FNDC3A: variants seen among roughly 807,000 people sequenced by gnomAD.
The protein encoded by FNDC3A is fibronectin type III domain containing 3A.
In FNDC3A, 32 loss-of-function variants were observed where a neutral mutation model predicts 148.9. The ratio of observed to expected loss-of-function variants is 0.21; its 90% CI spans 0.16 to 0.29. FNDC3A has a LOEUF of 0.29. Among genes scored for constraint, FNDC3A ranks in the 10% least tolerant of loss-of-function variants. The pLI is 1.00. For missense variants in FNDC3A, 1,191 were observed against 1,452.8 expected (o/e 0.82, Z 2.93); for synonymous variants, 472 against 473.6 (o/e 1.00, Z 0.04).
chr13:49,173,818 G>A (rs988591443), intron 11 of FNDC3A, among the ~76,000 whole-genome samples: 19 of 152,242 alleles, frequency 1.2e-4, no homozygotes, highest in Middle Eastern at 3.4e-3. Flanking sequence ...AAAGAAAAAT[G>A]GGTGGCAAAT....
intron 8 of FNDC3A, among the ~76,000 whole-genome samples, chr13:49,152,036 C>T (rs1566286581): frequency 6.6e-6 from 1 of 152,120 alleles, no homozygotes; most frequent in East Asian, 1.9e-4. Context: ...CCACAATAAA[C>T]ATGTGTGCAT....
intron 19 of FNDC3A, among the ~76,000 whole-genome samples, chr13:49,193,185 T>G (rs1885974665): frequency 6.6e-6 from 1 of 152,220 alleles, no homozygotes; most frequent in African/African-American, 2.4e-5. Flanking sequence ...CTGATATGTT[T>G]TCTTAGGTTG....
intron 7 of FNDC3A, 86 bp from the exon 8 acceptor site, chr13:49,145,692 A>T: frequency 2.9e-6 from 3 of 1,051,446 alleles, no homozygotes; most frequent in Non-Finnish European, 4.3e-6. Context: ...CATTTTATTT[A>T]ATCTTGAAAC....
At chr13:49,070,653 A>G (rs1446366128) in intron 2 of FNDC3A, among the ~76,000 whole-genome samples, 1 of 152,134 alleles carries the variant, frequency 6.6e-6, no homozygotes, top group Non-Finnish European at 1.5e-5. Context: ...ACTAGAACGT[A>G]TTCTTTCTAA....
At position 48,989,869 on chromosome 13, in the gene FNDC3A, A is replaced by G. The variant is rs140084776; in HGVS notation, c.-40+13692A>G. Among the ~76,000 whole-genome samples, 724 of 151,970 alleles carry G rather than the reference A, an allele frequency of 4.8e-3. 9 individuals are homozygous for G. The highest frequency in any genetic ancestry group is 0.016 in the African/African-American group (681 of 41,446). ...CAGGTTCAAGCGATTCTCCTGCTTC[A>G]GCCTCCCGAGTAGCTGGGATTACAG... On this transcript the variant is annotated intron_variant, in intron 1 of 25. Coordinates refer to ENST00000492622, the MANE Select transcript of FNDC3A (RefSeq NM_001079673.2).
At chr13:49,171,985 A>C (rs1478591183) in intron 10 of FNDC3A, 58 bp from the exon 11 acceptor site, 21 of 1,118,282 alleles carry the variant, frequency 1.9e-5, no homozygotes, top group Non-Finnish European at 2.7e-5. Context: ...AGATCATCAC[A>C]GTATCATTTA....
At chr13:49,097,586 A>G (rs1417543717) in intron 3 of FNDC3A, among the ~76,000 whole-genome samples, 1 of 152,098 alleles carries the variant, frequency 6.6e-6, no homozygotes, top group Non-Finnish European at 1.5e-5. Context: ...ATAAACTAAC[A>G]GGAAGGGTAA....
intron 23 of FNDC3A, among the ~76,000 whole-genome samples, chr13:49,199,753 GT>G (rs1886339488): frequency 6.6e-6 from 1 of 152,166 alleles, no homozygotes; most frequent in Non-Finnish European, 1.5e-5. Flanking sequence ...ATACAGTTCA[GT>G]TTTTCACTGT....
intron 25 of FNDC3A, among the ~76,000 whole-genome samples, chr13:49,204,792 C>T (rs1244937085): frequency 6.6e-6 from 1 of 152,146 alleles, no homozygotes; most frequent in Admixed American, 6.6e-5. Flanking sequence ...TTTACAGTTA[C>T]CTGTGTCTCT....
At chr13:49,034,892 A>T (rs1160814611) in intron 2 of FNDC3A, among the ~76,000 whole-genome samples, 1 of 152,060 alleles carries the variant, frequency 6.6e-6, no homozygotes, top group East Asian at 1.9e-4. Context: ...TTGATTAACA[A>T]TAAAGTAAAA....
intron 2 of FNDC3A, among the ~76,000 whole-genome samples, chr13:49,008,407 A>G (rs1372203715): frequency 6.6e-6 from 1 of 152,144 alleles, no homozygotes; most frequent in Non-Finnish European, 1.5e-5. Context: ...ATATGACACA[A>G]CTTGGTTGAT....
intron 2 of FNDC3A, among the ~76,000 whole-genome samples, chr13:49,059,160 C>T (rs556499746): frequency 5.3e-5 from 8 of 152,144 alleles, no homozygotes; most frequent in South Asian, 2.1e-4. Flanking sequence ...ACTGGATATC[C>T]GCATGCAAAA....
At chr13:49,165,004 G>C (rs1884377108) in intron 8 of FNDC3A, among the ~76,000 whole-genome samples, 1 of 152,156 alleles carries the variant, frequency 6.6e-6, no homozygotes, top group Non-Finnish European at 1.5e-5. Context: ...TTCAGTTCCA[G>C]AATTTCTGTT....
chr13:49,004,136 T>C (rs897360052), intron 1 of FNDC3A, among the ~76,000 whole-genome samples: 2 of 152,120 alleles, frequency 1.3e-5, no homozygotes, highest in African/African-American at 4.8e-5. Context: ...AGTGTATAAC[T>C]AAAACTAAGA....
intron 2 of FNDC3A, among the ~76,000 whole-genome samples, chr13:49,019,136 C>G (rs1436928521): frequency 1.3e-5 from 2 of 152,258 alleles, no homozygotes; most frequent in African/African-American, 2.4e-5. Context: ...CCACCCAGTT[C>G]GAGCTTCTGG....
chr13:49,152,177 G>C (rs1175634286), intron 8 of FNDC3A, among the ~76,000 whole-genome samples: 1 of 152,138 alleles, frequency 6.6e-6, no homozygotes, highest in Non-Finnish European at 1.5e-5. Context: ...GGTTGAACTA[G>C]TTTACACTAC....
chr13:49,075,354 G>A lies in FNDC3A; in HGVS notation c.165G>A (p.Gln55=). 1 of 1,584,136 alleles carries A rather than the reference G, an allele frequency of 6.3e-7. No homozygotes were observed. The highest frequency in any genetic ancestry group is 8.7e-7 in the Non-Finnish European group (1 of 1,154,418). ...TAAGAAGAGAAGATGGACAGTTTCAGTGCATTACAGGTAAGAATGGTAATT... is the reference window on the plus strand; with the variant it reads ...TAAGAAGAGAAGATGGACAGTTTCAATGCATTACAGGTAAGAATGGTAATT... The part of the protein sequence containing the change: ...FTIRREDGQF[Q]CITGPAQVPM... Residue 55 remains glutamine, a synonymous_variant, in exon 3 of 26, where the codon CAG becomes CAA. Transcript: ENST00000492622.
chr13:49,112,483 T>C (rs930944680), intron 3 of FNDC3A, among the ~76,000 whole-genome samples: 1 of 152,250 alleles, frequency 6.6e-6, no homozygotes, highest in South Asian at 2.1e-4. Context: ...TAATAGGTAA[T>C]GTTTGCTTAA....
intron 3 of FNDC3A, among the ~76,000 whole-genome samples, chr13:49,111,272 C>A (rs1196682680): frequency 6.6e-6 from 1 of 152,160 alleles, no homozygotes; most frequent in Admixed American, 6.5e-5. Flanking sequence ...ACTATAGACA[C>A]AGGAGTAACA....
Sources: gnomAD v4.1 joint callset for allele counts (sites outside exome capture counted in the v4.1 genomes callset) on GRCh38, gnomAD v4.1.1 for gene constraint, MANE v1.5 for transcripts, NCBI Gene and HGNC (gene_info 2026-07-23, HGNC 2026-07-21) for gene names.